Variants in ASAP2 observed in about 807,000 individuals in gnomAD.
ASAP2 encodes ArfGAP with SH3 domain, ankyrin repeat and PH domain 2, also known as arf-GAP with SH3 domain, ANK repeat and PH domain-containing protein 2.
In ASAP2, 45 loss-of-function variants were observed where a neutral mutation model predicts 131.4. The observed-to-expected ratio is 0.34, with a 90% confidence interval of 0.27 to 0.44. The LOEUF (loss-of-function observed/expected upper bound fraction) is 0.44. Ranked by LOEUF, ASAP2 falls within the 20% of genes least tolerant of loss-of-function variation. ASAP2 has a pLI of 1.00. For missense variants in ASAP2, 1,011 were observed against 1,297.0 expected (o/e 0.78, Z 3.39); for synonymous variants, 510 against 503.0 (o/e 1.01, Z -0.19).
intron 1 of ASAP2, among the ~76,000 whole-genome samples, chr2:9,235,735 C>T (rs1663505629): frequency 6.6e-6 from 1 of 152,080 alleles, no homozygotes; most frequent in Admixed American, 6.5e-5. Flanking sequence ...CATGGCCTGG[C>T]AGCTGTGATG....
At chr2:9,244,605 C>T (rs756311488) in intron 1 of ASAP2, among the ~76,000 whole-genome samples, 1 of 152,194 alleles carries the variant, frequency 6.6e-6, no homozygotes, top group Non-Finnish European at 1.5e-5. Flanking sequence ...AAGCACTTCG[C>T]ATTAAGCTCC....
At position 9,356,203 on chromosome 2, in the gene ASAP2, C is replaced by G; in HGVS notation, c.1185C>G (p.Ser395Arg). 1 of 1,613,942 alleles carries G rather than the reference C, an allele frequency of 6.2e-7. No individual in the cohort carries two copies. Among genetic ancestry groups the G allele is most frequent in the Non-Finnish European group, 8.5e-7 (1 of 1,179,902 alleles). ...GATGGATGTCTGTGCTGCAAAATAG[C>G]AAAGAAGAAGCTTTAAACAATGCAT... ...CQIWMSVLQNSKEEALNNAFK... is the reference protein window; with the variant it reads ...CQIWMSVLQNRKEEALNNAFK... Residue 395 changes from serine (S) to arginine (R), a missense_variant, in exon 14 of 28, where the codon AGC becomes AGG. Ser to Arg is a moderately radical substitution (Grantham distance 110, BLOSUM62 -1). This residue lies in a region of ASAP2 where 359 missense variants were observed against 598.1 expected (regional missense o/e 0.60). Transcript: ENST00000281419.
In ASAP2 at chr2:9,217,143, C is replaced by T. The variant is rs938405419; in HGVS notation, c.126+9913C>T. ...AGCAGCCAACAGCCTCTGTAGAGCC[C>T]GTGCCCACCAAGGCCCTTGGTGTTG... On this transcript the variant is annotated intron_variant, in intron 1 of 27. Coordinates refer to ENST00000281419, the MANE Select transcript of ASAP2 (RefSeq NM_003887.3). The surrounding 1 kb of genome is among the most constrained non-coding windows in gnomAD (Gnocchi z 4.0). Among the ~76,000 whole-genome samples, 5 of 152,150 alleles carry T rather than the reference C, an allele frequency of 3.3e-5. No individual in the cohort carries two copies. The highest frequency in any genetic ancestry group is 7.2e-5 in the African/African-American group (3 of 41,444).
intron 1 of ASAP2, among the ~76,000 whole-genome samples, chr2:9,242,342 T>C (rs1664033045): frequency 2.0e-5 from 3 of 152,338 alleles, no homozygotes; most frequent in South Asian, 4.1e-4. Context: ...TGGTGCTTGG[T>C]AAATGTTTGT....
chr2:9,346,629 G>T (rs1671984082), intron 11 of ASAP2, among the ~76,000 whole-genome samples: 1 of 152,152 alleles, frequency 6.6e-6, no homozygotes, highest in Non-Finnish European at 1.5e-5. Context: ...TCGAATTGGT[G>T]TCCACTCGCT....
intron 9 of ASAP2, chr2:9,335,977 G>A (rs982745554): frequency 5.9e-5 from 9 of 152,084 alleles, no homozygotes; most frequent in African/African-American, 1.7e-4. Context: ...GTAAGTTCTT[G>A]TACTATAACT....
intron 1 of ASAP2, among the ~76,000 whole-genome samples, chr2:9,242,907 T>C (rs192190910): frequency 3.9e-5 from 6 of 152,272 alleles, no homozygotes; most frequent in Admixed American, 3.9e-4. Flanking sequence ...TGCTTTGATA[T>C]AACTGAGGCC....
intron 9 of ASAP2, 54 bp downstream of exon 9, chr2:9,335,233 T>C: frequency 6.5e-7 from 1 of 1,533,066 alleles, no homozygotes; most frequent in Non-Finnish European, 9.0e-7. Flanking sequence ...CTTGGAGGCT[T>C]TGGGTCTGAA....
intron 1 of ASAP2, among the ~76,000 whole-genome samples, chr2:9,211,386 TTTC>T (rs1482157252): frequency 6.6e-6 from 1 of 152,208 alleles, no homozygotes; most frequent in Non-Finnish European, 1.5e-5. Flanking sequence ...GTTCCTTTTT[TTTC>T]TTCTTTTTTT....
chr2:9,216,486 T>G (rs12993934), intron 1 of ASAP2, among the ~76,000 whole-genome samples: 1 of 129,174 alleles, frequency 7.7e-6, no homozygotes, highest in Non-Finnish European at 1.6e-5. Flanking sequence ...TTTGAGACGG[T>G]GTCTCACTCT....
chr2:9,245,062 A>T lies in ASAP2; in HGVS notation c.127-34255A>T, dbSNP rs552405753. ...GGCCTAGGTTTGGTTGTGAACTTTT[A>T]CCTCTTACTGGTAGTGTGGCCTTGG... On this transcript the variant is annotated intron_variant, in intron 1 of 27. Transcript: ENST00000281419. Among the ~76,000 whole-genome samples, 4 of 152,268 alleles carry T rather than the reference A, an allele frequency of 2.6e-5. No homozygotes were observed. In the South Asian group the frequency reaches 6.2e-4, roughly 24 times the overall value.
chr2:9,229,824 C>T (rs1663030524), intron 1 of ASAP2, among the ~76,000 whole-genome samples: 1 of 152,090 alleles, frequency 6.6e-6, no homozygotes, highest in African/African-American at 2.4e-5. Context: ...AGTGCCTGGC[C>T]CTGGAGGTGT....
intron 15 of ASAP2, among the ~76,000 whole-genome samples, chr2:9,362,432 T>C (rs1192391473): frequency 6.6e-6 from 1 of 152,242 alleles, no homozygotes; most frequent in Non-Finnish European, 1.5e-5. Context: ...CATGTATTTA[T>C]AGTGTACAAC....
At position 9,380,952 on chromosome 2, in the gene ASAP2, G is replaced by A. The variant is rs904460612; in HGVS notation, c.2016+144G>A. ...GATGGGATGAGCCGAGAATCAGCCT[G>A]CCTTGGAGAAGGTATGCTAGGGAGT... On this transcript the variant is annotated intron_variant, in intron 20 of 27. Transcript: ENST00000281419. 4.3e-5 allele frequency: 40 copies of A among 935,116 alleles called. No individual in the cohort carries two copies. In the Admixed American group the frequency reaches 9.6e-4, roughly 22 times the overall value. The allele number at this position is 935,116 out of a possible 1,614,324, so 57.9% of individuals were successfully genotyped here.
chr2:9,297,349 C>A lies in ASAP2; in HGVS notation c.249C>A (p.Gly83=). The A allele has an allele frequency of 6.2e-7, 1 of 1,614,060 alleles. No individual in the cohort carries two copies. The highest frequency in any genetic ancestry group is 2.2e-5 in the East Asian group (1 of 44,874). ...EQYTQALEKF[G]GNCVCRDDPD... Reference sequence around the variant, plus strand: ...ACACCCAGGCTCTGGAGAAGTTTGGCGGCAACTGTGTATGCAGAGATGACC... The same window carrying A: ...ACACCCAGGCTCTGGAGAAGTTTGGAGGCAACTGTGTATGCAGAGATGACC... Residue 83 remains glycine (G), a synonymous_variant, in exon 3 of 28, where the codon GGC becomes GGA. Transcript: ENST00000281419.
intron 15 of ASAP2, among the ~76,000 whole-genome samples, chr2:9,366,026 CT>C (rs1161813876): frequency 6.6e-6 from 1 of 152,164 alleles, no homozygotes; most frequent in Non-Finnish European, 1.5e-5. Flanking sequence ...GATGCCAGGG[CT>C]CAGGTCGACA....
chr2:9,356,017 C>T (rs1464284503), intron 12 of ASAP2, 30 bp from the exon 13 acceptor site: 1 of 1,613,008 alleles, frequency 6.2e-7, no homozygotes, highest in Admixed American at 1.7e-5. Context: ...GCTGTCTGGG[C>T]TCACAGTTGA....
chr2:9,277,822 T>G (rs191768589), intron 1 of ASAP2, among the ~76,000 whole-genome samples: 156 of 152,358 alleles, frequency 1.0e-3, no homozygotes, highest in Non-Finnish European at 1.7e-3. Flanking sequence ...TTGCAGCCAC[T>G]CTGTCAAATG....
intron 26 of ASAP2, 104 bp downstream of exon 26, chr2:9,400,934 G>A (rs1676610210): frequency 1.7e-6 from 2 of 1,150,904 alleles, no homozygotes; most frequent in Admixed American, 2.0e-5. Flanking sequence ...TCCCCTGGCT[G>A]GGGCAGGGCG....
Sources: allele counts gnomAD v4.1 joint callset (sites outside exome capture counted in the v4.1 genomes callset), GRCh38; gene constraint gnomAD v4.1.1; regional missense constraint gnomAD v4.1.1; non-coding constraint Gnocchi (gnomAD v3.1); transcripts MANE v1.5; gene names NCBI Gene and HGNC (gene_info 2026-07-23, HGNC 2026-07-21).